The following CSMD1 variants were observed in gnomAD, a reference collection of about 807,000 sequenced individuals.
The protein encoded by CSMD1 is CUB and Sushi multiple domains 1.
Under a neutral mutation model 417.5 loss-of-function variants are expected in CSMD1, and 213 were observed. That is an observed-to-expected ratio of 0.51 (90% CI 0.46 to 0.57). CSMD1 has a LOEUF of 0.57. Ranked by LOEUF, CSMD1 falls within the 20% of genes least tolerant of loss-of-function variation. The probability of loss-of-function intolerance (pLI) is 0.00; values close to 1 mark genes in which losing one functional copy is unlikely to be tolerated. For synonymous variants in CSMD1, 2,862 were observed against 1,736.8 expected, an observed-to-expected ratio of 1.65 and a Z score of -16.11; for missense variants, 6,923 against 4,529.7, an observed-to-expected ratio of 1.53 and a Z score of -15.17.
chr8:3,373,588 A>C (rs1268060449), intron 18 of CSMD1: 1 of 152,188 alleles, frequency 6.6e-6, no homozygotes, highest in Non-Finnish European at 1.5e-5. Flanking sequence ...CCTGAATTAC[A>C]TTTTAGTGTC....
intron 26 of CSMD1, among the ~76,000 whole-genome samples, chr8:3,281,103 A>T (rs900994819): frequency 3.2e-4 from 48 of 152,324 alleles, no homozygotes; most frequent in African/African-American, 1.1e-3. Context: ...AGCTTTAGGC[A>T]TAATTGCCAA....
rs151168811 is a variant in CSMD1 at position 3,308,260 on chromosome 8, A to G, written c.3823+52T>C. Reference sequence around the variant, plus strand: ...AAGGAAGTCAATGCAACATGGTGCAAGCACCCTAAGGCCTGGCTTTTGCAC... The same window carrying G: ...AAGGAAGTCAATGCAACATGGTGCAGGCACCCTAAGGCCTGGCTTTTGCAC... On this transcript the variant is annotated intron_variant, in intron 24 of 69. Coordinates refer to ENST00000635120, the MANE Select transcript of CSMD1 (RefSeq NM_033225.6). The G allele has an allele frequency of 1.2e-4, 168 of 1,412,414 alleles. No individual in the cohort carries two copies. In the African/African-American group the frequency reaches 1.9e-3, roughly 16 times the overall value. 87.5% of individuals were successfully genotyped at this position (1,412,414 alleles called of 1,614,324 possible). A position where few individuals can be genotyped will look rare whatever the true frequency, so the allele number is the denominator to read the frequency against.
chr8:4,023,292 A>G (rs1000329253), intron 4 of CSMD1, among the ~76,000 whole-genome samples: 5 of 152,222 alleles, frequency 3.3e-5, no homozygotes, highest in East Asian at 1.9e-4. Context: ...ATTGAGACTC[A>G]TTTTGAATTT....
intron 12 of CSMD1, among the ~76,000 whole-genome samples, chr8:3,412,922 T>C (rs894974455): frequency 1.3e-5 from 2 of 152,154 alleles, no homozygotes; most frequent in African/African-American, 4.8e-5. Context: ...GGCTCTCCAT[T>C]GGGAAGCTGG....
chr8:4,888,425 A>G (rs1213799476), intron 1 of CSMD1, among the ~76,000 whole-genome samples: 1 of 151,916 alleles, frequency 6.6e-6, no homozygotes, highest in Non-Finnish European at 1.5e-5. Context: ...CAAAACTGTC[A>G]CACAACATAT....
chr8:4,537,648 T>A (rs367773264), intron 2 of CSMD1, among the ~76,000 whole-genome samples: 1 of 152,178 alleles, frequency 6.6e-6, no homozygotes, highest in South Asian at 2.1e-4. Flanking sequence ...AAATTAAGCA[T>A]TGATTTGCAT....
At chr8:3,747,011 G>A (rs1187476756) in intron 6 of CSMD1, among the ~76,000 whole-genome samples, 1 of 152,156 alleles carries the variant, frequency 6.6e-6, no homozygotes, top group Non-Finnish European at 1.5e-5. Context: ...CTTTCATTAG[G>A]AATTTTATTT....
intron 41 of CSMD1, among the ~76,000 whole-genome samples, chr8:3,140,157 G>A (rs1233490868): frequency 6.6e-6 from 1 of 152,124 alleles, no homozygotes; most frequent in Admixed American, 6.5e-5. Context: ...GCCCGCCTCT[G>A]CATCCCAAAC....
At chr8:3,961,611 C>T (rs1812329987) in intron 5 of CSMD1, among the ~76,000 whole-genome samples, 1 of 152,096 alleles carries the variant, frequency 6.6e-6, no homozygotes, top group Admixed American at 6.5e-5. Context: ...ACTCAGGCAC[C>T]ATTTGTAACA....
intron 6 of CSMD1, among the ~76,000 whole-genome samples, chr8:3,729,982 CA>C (rs1169567622): frequency 9.6e-6 from 1 of 104,704 alleles, no homozygotes; most frequent in Non-Finnish European, 1.7e-5. Flanking sequence ...AGAACGGATA[CA>C]TAATAATGTT....
chr8:3,561,500 C>T (rs1427503695), intron 10 of CSMD1, among the ~76,000 whole-genome samples: 1 of 152,184 alleles, frequency 6.6e-6, no homozygotes, highest in Non-Finnish European at 1.5e-5. Context: ...ATGTCATTAT[C>T]CTAAGTAAAA....
chr8:3,981,973 C>A (rs564516679), intron 5 of CSMD1, among the ~76,000 whole-genome samples: 42 of 151,924 alleles, frequency 2.8e-4, no homozygotes, highest in African/African-American at 9.4e-4. Context: ...AGATTGAGAC[C>A]ATCCTGGCTA....
At chr8:3,507,032 A>C (rs1348041523) in intron 10 of CSMD1, among the ~76,000 whole-genome samples, 1 of 152,176 alleles carries the variant, frequency 6.6e-6, no homozygotes, top group East Asian at 1.9e-4. Context: ...AATTGAACAA[A>C]CGTATATACC....
intron 8 of CSMD1, among the ~76,000 whole-genome samples, chr8:3,609,280 C>T (rs1801773215): frequency 6.6e-6 from 1 of 152,202 alleles, no homozygotes; most frequent in Admixed American, 6.5e-5. Context: ...CATAAATTCT[C>T]AATACCAATC....
intron 5 of CSMD1, among the ~76,000 whole-genome samples, chr8:3,895,589 A>G (rs1310495524): frequency 2.6e-5 from 4 of 152,332 alleles, no homozygotes; most frequent in African/African-American, 2.4e-5. Context: ...TACCTTTCTA[A>G]TGCCCATATA....
chr8:4,133,065 A>G (rs188896761), intron 3 of CSMD1, among the ~76,000 whole-genome samples: 163 of 152,166 alleles, frequency 1.1e-3, no homozygotes, highest in African/African-American at 3.8e-3. Context: ...CCTCTTGAGT[A>G]GTTGGGACTA....
chr8:4,253,954 G>T (rs1165860673), intron 3 of CSMD1, among the ~76,000 whole-genome samples: 1 of 118,844 alleles, frequency 8.4e-6, no homozygotes, highest in African/African-American at 3.3e-5. Flanking sequence ...TCTTGCTCTA[G>T]TGCCCAGGCT....
intron 2 of CSMD1, among the ~76,000 whole-genome samples, chr8:4,511,588 G>T (rs537003024): frequency 7.2e-5 from 11 of 152,234 alleles, no homozygotes; most frequent in African/African-American, 2.4e-4. Context: ...AGGACAATTT[G>T]CTGCTCCCAA....
intron 3 of CSMD1, among the ~76,000 whole-genome samples, chr8:4,387,721 G>C (rs1413566920): frequency 6.6e-6 from 1 of 151,890 alleles, no homozygotes; most frequent in Non-Finnish European, 1.5e-5. Context: ...CTTTATTTTA[G>C]CTAAAATAGA....
Sources: allele counts gnomAD v4.1 joint callset (sites outside exome capture counted in the v4.1 genomes callset), GRCh38; gene constraint gnomAD v4.1.1; transcripts MANE v1.5; gene names NCBI Gene and HGNC (gene_info 2026-07-23, HGNC 2026-07-21).